Variants in DYNC1H1 observed in about 807,000 individuals in gnomAD.
The protein encoded by DYNC1H1 is cytoplasmic dynein 1 heavy chain 1.
DYNC1H1 carries 51 observed loss-of-function variants against 527.1 expected under a neutral mutation model. The ratio of observed to expected loss-of-function variants is 0.10; its 90% CI spans 0.08 to 0.12. The LOEUF (loss-of-function observed/expected upper bound fraction) is 0.12, where lower values mean the gene tolerates loss of function less well. DYNC1H1 is among the 10% of genes least tolerant of loss of function. The probability of loss-of-function intolerance (pLI) is 1.00; values close to 1 mark genes in which losing one functional copy is unlikely to be tolerated. For missense variants in DYNC1H1, 2,771 were observed against 5,971.8 expected, an observed-to-expected ratio of 0.46 and a Z score of 17.66; for synonymous variants, 2,189 against 2,278.8, an observed-to-expected ratio of 0.96 and a Z score of 1.12.
intron 29 of DYNC1H1, chr14:102,009,620 C>T (rs945539333): frequency 1.5e-5 from 9 of 596,588 alleles, no homozygotes; most frequent in African/African-American, 1.5e-4. Context: ...GTGGCTTGAC[C>T]TGGGACACGT....
At chr14:101,980,676 C>G in intron 5 of DYNC1H1, 126 bp downstream of exon 5, 1 of 1,095,754 alleles carries the variant, frequency 9.1e-7, no homozygotes, top group Non-Finnish European at 1.3e-6. Context: ...CATTTCCTTT[C>G]TTACATCACA....
chr14:101,968,242 A>G (rs996547097), intron 1 of DYNC1H1, among the ~76,000 whole-genome samples: 1 of 151,878 alleles, frequency 6.6e-6, no homozygotes, highest in African/African-American at 2.4e-5. Context: ...TCTGGATGAG[A>G]GCGTGTAGTT....
Position 102,040,224 on chromosome 14 carries a change from C to G in DYNC1H1, c.11691-12C>G, listed in dbSNP as rs920796743. On this transcript the variant is annotated splice_polypyrimidine_tract_variant and intron_variant, in intron 62 of 77. Coordinates refer to ENST00000360184, the MANE Select transcript of DYNC1H1 (RefSeq NM_001376.5). ...GTGAGAGACCCTAGCTAACCTGTTG[C>G]ACCCTTCGCAGGGAGCCCACCTACG... 26 of 1,614,082 alleles carry G rather than the reference C, an allele frequency of 1.6e-5. No homozygotes were observed. Among genetic ancestry groups the G allele is most frequent in the South Asian group, 1.1e-4 (10 of 91,062 alleles).
Position 102,038,256 on chromosome 14 carries a change from G to T in DYNC1H1, c.10909-204G>T. 1.2e-6 allele frequency: 1 copy of T among 804,108 alleles called. No homozygotes were observed. Among genetic ancestry groups the T allele is most frequent in the Non-Finnish European group, 2.0e-6 (1 of 504,302 alleles). The allele number at this position is 804,108 out of a possible 1,614,324, so 49.8% of individuals were successfully genotyped here. ...AGCCTCCCAAAGTGCTGGAATTACA[G>T]GCGTGAGCCACCGCATCTGGCTGAG... is the stretch of plus-strand genomic sequence containing the variant. On this transcript the variant is annotated intron_variant, in intron 57 of 77. Transcript: ENST00000360184. The surrounding 1 kb of genome is among the most constrained non-coding windows in gnomAD (Gnocchi z 7.2).
chr14:102,007,583 C>T (rs531508441), intron 28 of DYNC1H1, among the ~76,000 whole-genome samples: 3 of 152,228 alleles, frequency 2.0e-5, no homozygotes, highest in South Asian at 2.1e-4. Flanking sequence ...TCACCTGAGG[C>T]GTGACTCTAA....
chr14:101,983,591 C>T lies in DYNC1H1; in HGVS notation c.1443C>T (p.Val481=), dbSNP rs749807887. 7 of 1,613,922 alleles carry T rather than the reference C, an allele frequency of 4.3e-6. No individual in the cohort carries two copies. In the African/African-American group the frequency reaches 9.3e-5, roughly 22 times the overall value. ...ATGAACAGCTAAGAGCTGTTATCGT[C>T]AGGGTCCTGAGGCCACAGGTAAGAT... ...RQHEQLRAVI[V]RVLRPQVTAV... is the part of the protein sequence containing the mutation. Residue 481 remains valine (V), a synonymous_variant, in exon 7 of 78, where the codon GTC becomes GTT. Coordinates refer to ENST00000360184, the MANE Select transcript of DYNC1H1 (RefSeq NM_001376.5). This position sits in a 1 kb window ranked among gnomAD's most constrained non-coding sequence, Gnocchi z 5.3.
In DYNC1H1 at chr14:102,029,230, G is replaced by A. The variant is rs2048483351; in HGVS notation, c.9469-309G>A. On this transcript the variant is annotated intron_variant, in intron 48 of 77. Transcript: ENST00000360184. The surrounding 1 kb of genome is among the most constrained non-coding windows in gnomAD (Gnocchi z 5.3). ...TTGTCATTTCTTACTAATAAAAGGT[G>A]GAAGCAGGCTAGCTAACCTTTCTAT... The A allele has an allele frequency of 1.5e-5, 6 of 404,096 alleles. No individual in the cohort carries two copies. The Middle Eastern group carries it at 2.3e-3, about 153-fold the overall frequency. 25.0% of individuals were successfully genotyped at this position (404,096 alleles called of 1,614,324 possible).
chr14:101,992,043 T>C (rs1261512727), intron 11 of DYNC1H1, among the ~76,000 whole-genome samples: 3 of 150,920 alleles, frequency 2.0e-5, no homozygotes, highest in Admixed American at 6.6e-5. Context: ...TGGACAATGT[T>C]ATTTATATTT....
At chr14:101,994,645 A>G (rs200089400) in intron 12 of DYNC1H1, 28 bp from the exon 13 acceptor site, 55 of 1,613,436 alleles carry the variant, frequency 3.4e-5, no homozygotes, top group Non-Finnish European at 4.3e-5. Flanking sequence ...AACTCAAACT[A>G]TTATTTAACT....
Position 101,985,749 on chromosome 14 carries a change from T to C in DYNC1H1, c.1524T>C (p.Ala508=), listed in dbSNP as rs1481381518. ...CTGAACCCCAAGATATGAAAGTGGC[T>C]GAGGTTCTCTTTGATGCTGCAGATG... ...EVPEPQDMKV[A]EVLFDAADAN... Residue 508 remains alanine (A), a synonymous_variant, in exon 8 of 78, where the codon GCT becomes GCC. Transcript: ENST00000360184. The surrounding 1 kb of genome is among the most constrained non-coding windows in gnomAD (Gnocchi z 5.9). 6.2e-7 allele frequency: 1 copy of C among 1,614,220 alleles called. No individual in the cohort carries two copies. Among genetic ancestry groups the C allele is most frequent in the Admixed American group, 1.7e-5 (1 of 60,034 alleles).
In DYNC1H1 at chr14:102,011,413, G is replaced by T; in HGVS notation, c.6618+461G>T. ...GATGCTGTACGGGATTGAACACATA[G>T]CTCATCCATTGGGTCTCTTGTTGTC... On this transcript the variant is annotated intron_variant, in intron 32 of 77. Coordinates refer to ENST00000360184, the MANE Select transcript of DYNC1H1 (RefSeq NM_001376.5). The surrounding 1 kb of genome is among the most constrained non-coding windows in gnomAD (Gnocchi z 5.3). 1 of 344,522 alleles carries T rather than the reference G, an allele frequency of 2.9e-6. No homozygotes were observed. The highest frequency in any genetic ancestry group is 5.6e-6 in the Non-Finnish European group (1 of 178,610). 21.3% of individuals were successfully genotyped at this position (344,522 alleles called of 1,614,324 possible). A position where few individuals can be genotyped will look rare whatever the true frequency, so the allele number is the denominator to read the frequency against.
At chr14:102,040,193 G>A (rs1303525905) in intron 62 of DYNC1H1, 43 bp from the exon 63 acceptor site, 4 of 1,611,504 alleles carry the variant, frequency 2.5e-6, no homozygotes, top group Non-Finnish European at 3.4e-6. Flanking sequence ...GACAGTGGGA[G>A]TGAACGTGAG....
In DYNC1H1 at chr14:101,985,187, T is replaced by A. The variant is rs1566998748; in HGVS notation, c.1462-500T>A. Among the ~76,000 whole-genome samples the A allele has an allele frequency of 6.6e-6, 1 of 152,194 alleles. No individual in the cohort carries two copies. The highest frequency in any genetic ancestry group is 1.5e-5 in the Non-Finnish European group (1 of 68,036). On this transcript the variant is annotated intron_variant, in intron 7 of 77. Transcript: ENST00000360184. This position sits in a 1 kb window ranked among gnomAD's most constrained non-coding sequence, Gnocchi z 5.9. ...TCGTTTACTAGCTCTGTGACTGGAA[T>A]GCTTTATTTAGTCTCTTTTTCAGAG...
chr14:101,988,647 C>A, intron 9 of DYNC1H1, 56 bp from the exon 10 acceptor site: 1 of 1,611,874 alleles, frequency 6.2e-7, no homozygotes, highest in Non-Finnish European at 8.5e-7. Context: ...GATTGACTTG[C>A]TTTGTGAGCT....
At chr14:102,048,187 G>A in intron 73 of DYNC1H1, 159 bp downstream of exon 73, 1 of 970,254 alleles carries the variant, frequency 1.0e-6, no homozygotes, top group Non-Finnish European at 1.5e-6. Context: ...CCCAGGCATT[G>A]GGCAAGATGA....
At position 101,965,401 on chromosome 14, in the gene DYNC1H1, G is replaced by A. The variant is rs2047654952; in HGVS notation, c.256+454G>A. 6.6e-6 allele frequency among the ~76,000 whole-genome samples: 1 copy of A among 152,242 alleles called. No individual in the cohort carries two copies. Among genetic ancestry groups the A allele is most frequent in the Non-Finnish European group, 1.5e-5 (1 of 68,044 alleles). On this transcript the variant is annotated intron_variant, in intron 1 of 77. Coordinates refer to ENST00000360184, the MANE Select transcript of DYNC1H1 (RefSeq NM_001376.5). This position sits in a 1 kb window ranked among gnomAD's most constrained non-coding sequence, Gnocchi z 4.1. ...CTTTTCGGTTTCGATTTGTGTCCAAGCCAAGTGGCCTTCGGGAGGGATGTG... is the reference window on the plus strand; with the variant it reads ...CTTTTCGGTTTCGATTTGTGTCCAAACCAAGTGGCCTTCGGGAGGGATGTG...
chr14:102,047,406 A>T (rs1405577638), intron 72 of DYNC1H1, among the ~76,000 whole-genome samples: 5 of 151,658 alleles, frequency 3.3e-5, no homozygotes, highest in African/African-American at 9.7e-5. Flanking sequence ...GCGCGGTGCC[A>T]CATGCCTGTA....
At position 102,051,346 on chromosome 14, in the gene DYNC1H1, A is replaced by T. The variant is rs1595639000; in HGVS notation, c.*783A>T. ...GGGCGGATCACCAAATTAGCCGGGCATGGTGGCACATGCCTGTAATCCCAG... is the reference window on the plus strand; with the variant it reads ...GGGCGGATCACCAAATTAGCCGGGCTTGGTGGCACATGCCTGTAATCCCAG... On this transcript the variant is annotated 3_prime_UTR_variant, in exon 78 of 78. Transcript: ENST00000360184. The T allele has an allele frequency of 6.6e-6, 1 of 151,632 alleles. No homozygotes were observed. The highest frequency in any genetic ancestry group is 2.4e-5 in the African/African-American group (1 of 41,148). The allele number at this position is 151,632 out of a possible 1,614,324, so 9.4% of individuals were successfully genotyped here. A position where few individuals can be genotyped will look rare whatever the true frequency, so the allele number is the denominator to read the frequency against.
intron 34 of DYNC1H1, among the ~76,000 whole-genome samples, chr14:102,013,352 A>T (rs2048281318): frequency 6.6e-6 from 1 of 152,090 alleles, no homozygotes; most frequent in African/African-American, 2.4e-5. Flanking sequence ...AAAGAAAAAA[A>T]TGGAAAGCGA....
Sources: gnomAD v4.1 joint callset for allele counts (sites outside exome capture counted in the v4.1 genomes callset) on GRCh38, gnomAD v4.1.1 for gene constraint, Gnocchi (gnomAD v3.1) non-coding constraint, MANE v1.5 for transcripts, NCBI Gene and HGNC (gene_info 2026-07-23, HGNC 2026-07-21) for gene names.